The following ECSCR variants were observed in gnomAD, a reference collection of about 807,000 sequenced individuals.
ECSCR encodes the protein endothelial cell-specific chemotaxis regulator.
A neutral mutation model predicts 16.7 loss-of-function variants in ECSCR; 12 were observed. The ratio of observed to expected loss-of-function variants is 0.72; its 90% CI spans 0.46 to 1.17. ECSCR has a LOEUF of 1.17. Among genes scored for constraint, ECSCR ranks in the 50% most tolerant of loss-of-function variants. The probability of loss-of-function intolerance (pLI) is 0.00; values close to 1 mark genes in which losing one functional copy is unlikely to be tolerated. For missense variants in ECSCR, 122 were observed against 116.1 expected (o/e 1.05, Z -0.23); for synonymous variants, 44 against 42.2 (o/e 1.04, Z -0.17).
chr5:139,449,146 T>C lies in ECSCR; in HGVS notation c.541A>G (p.Ser181Gly), dbSNP rs777130666. The C allele has an allele frequency of 1.9e-5, 29 of 1,537,204 alleles. No individual in the cohort carries two copies. The highest frequency in any genetic ancestry group is 2.3e-5 in the Non-Finnish European group (26 of 1,146,900). The change falls in exon 9 of 10, where the codon AGC (serine) becomes GGC (glycine). Residue 181 changes from serine to glycine, a missense_variant. Coordinates refer to ENST00000618155, the MANE Select transcript of ECSCR (RefSeq NM_001077693.4). ...SCSTANGEKD[S>G]ITLISMKNIN... ...TTCTTCATGGAGATAAGGGTGATGCTGTCTTTCTCTCCATTGGCTGTGGAG... is the reference window on the plus strand; with the variant it reads ...TTCTTCATGGAGATAAGGGTGATGCCGTCTTTCTCTCCATTGGCTGTGGAG...
chr5:139,449,503 A>G (rs1455003462), intron 8 of ECSCR, among the ~76,000 whole-genome samples: 1 of 151,936 alleles, frequency 6.6e-6, no homozygotes, highest in African/African-American at 2.4e-5. Context: ...ATGCCCGGCT[A>G]ATTTTTGTAT....
At position 139,454,907 on chromosome 5, in the gene ECSCR, A is replaced by C; in HGVS notation, c.393T>G (p.Ile131Met). The change falls in exon 7 of 10, where the codon ATT becomes ATG. Residue 131 changes from isoleucine (I) to methionine (M), a missense_variant. By Grantham distance (10) the Ile-to-Met change is conservative. Coordinates refer to ENST00000618155, the MANE Select transcript of ECSCR (RefSeq NM_001077693.4). ...TVAAFGVISF[I>M]VILVVVVIIL... ...TGATCACCACAACCACCAGGATGACAATGAAGCTGATAACACCTGAACAGA... is the reference window on the plus strand; with the variant it reads ...TGATCACCACAACCACCAGGATGACCATGAAGCTGATAACACCTGAACAGA... 1 of 398,758 alleles carries C rather than the reference A, an allele frequency of 2.5e-6. No homozygotes were observed. 24.7% of individuals were successfully genotyped at this position (398,758 alleles called of 1,614,324 possible). A position where few individuals can be genotyped will look rare whatever the true frequency, so the allele number is the denominator to read the frequency against.
chr5:139,449,167 T>C lies in ECSCR; in HGVS notation c.520A>G (p.Thr174Ala). 1 of 1,536,970 alleles carries C rather than the reference T, an allele frequency of 6.5e-7. No individual in the cohort carries two copies. The highest frequency in any genetic ancestry group is 8.7e-7 in the Non-Finnish European group (1 of 1,146,794). The change falls in exon 9 of 10, where the codon ACA becomes GCA. Residue 174 changes from threonine to alanine, a missense_variant. Coordinates refer to ENST00000618155, the MANE Select transcript of ECSCR (RefSeq NM_001077693.4). Reference protein sequence around the residue: ...GSSGLSESCSTANGEKDSITL... With the variant: ...GSSGLSESCSAANGEKDSITL... ...ATGCTGTCTTTCTCTCCATTGGCTG[T>C]GGAGCAGCTGGGGGAGGAAGGGGGT...
intron 1 of ECSCR, 43 bp from the exon 2 acceptor site, chr5:139,458,226 C>G: frequency 6.5e-7 from 1 of 1,539,598 alleles, no homozygotes; most frequent in East Asian, 2.4e-5. Context: ...AGTCCCCTGC[C>G]CAGCACAGAG....
At chr5:139,455,120 C>T (rs1751127912) in intron 6 of ECSCR, among the ~76,000 whole-genome samples, 197 bp from the exon 7 acceptor site, 1 of 152,172 alleles carries the variant, frequency 6.6e-6, no homozygotes, top group Non-Finnish European at 1.5e-5. Context: ...CCGACTCCAT[C>T]CCTGCATGAG....
Position 139,460,251 on chromosome 5 carries a change from T to C in ECSCR, c.62-2068A>G, listed in dbSNP as rs757083769. Among the ~76,000 whole-genome samples, 197 of 152,174 alleles carry C rather than the reference T, an allele frequency of 1.3e-3. 6 individuals are homozygous for C. The highest frequency in any genetic ancestry group is 1.6e-3 in the Admixed American group (25 of 15,278). Reference sequence around the variant, plus strand: ...CCCGGGCTCAAGCTATTCTCCTGTCTCAGCCTCCTGAGTAGCTGGGATTAC... The same window carrying C: ...CCCGGGCTCAAGCTATTCTCCTGTCCCAGCCTCCTGAGTAGCTGGGATTAC... On this transcript the variant is annotated intron_variant, in intron 1 of 9. Transcript: ENST00000618155.
intron 1 of ECSCR, among the ~76,000 whole-genome samples, chr5:139,461,393 C>T (rs987962733): frequency 6.6e-6 from 1 of 152,106 alleles, no homozygotes; most frequent in African/African-American, 2.4e-5. Flanking sequence ...CTCAGTCCAC[C>T]AAGATGAAGG....
At chr5:139,454,222 AGT>A (rs1195309100) in intron 8 of ECSCR, among the ~76,000 whole-genome samples, 1 of 73,174 alleles carries the variant, frequency 1.4e-5, no homozygotes, top group South Asian at 5.3e-4. Context: ...GGTGTGTGGG[AGT>A]GTGTGTGTGG....
At chr5:139,456,631 G>A in intron 4 of ECSCR, 113 bp from the exon 5 acceptor site, 1 of 395,262 alleles carries the variant, frequency 2.5e-6, no homozygotes, top group Non-Finnish European at 4.5e-6. Context: ...CTCTTTCTCA[G>A]CCTTTTCTGC....
At chr5:139,449,224 T>TG in intron 8 of ECSCR, 50 bp from the exon 9 acceptor site, 1 of 1,363,864 alleles carries the variant, frequency 7.3e-7, no homozygotes, top group South Asian at 1.2e-5. Flanking sequence ...GGCAGGGCAA[T>TG]GGGGAGTCAA....
At chr5:139,451,512 T>TGTGTATAGTATGAA (rs1182549049) in intron 8 of ECSCR, among the ~76,000 whole-genome samples, 1 of 143,698 alleles carries the variant, frequency 7.0e-6, no homozygotes, top group Non-Finnish European at 1.5e-5. Context: ...GTGGTGTGAG[T>TGTGTATAGTATGAA]GTGTATAGTA....
At chr5:139,451,887 G>T (rs1445327882) in intron 8 of ECSCR, among the ~76,000 whole-genome samples, 7 of 151,132 alleles carry the variant, frequency 4.6e-5, no homozygotes, top group Non-Finnish European at 1.5e-5. Context: ...TAGGGTGTGG[G>T]GTGTGTGTGT....
At chr5:139,460,539 A>C (rs530749125) in intron 1 of ECSCR, among the ~76,000 whole-genome samples, 77 of 152,336 alleles carry the variant, frequency 5.1e-4, no homozygotes, top group Middle Eastern at 3.4e-3. Flanking sequence ...AAAGAAAATT[A>C]TTCAGTGGCT....
chr5:139,458,218 TCC>T, intron 1 of ECSCR, 35 bp from the exon 2 acceptor site: 1 of 1,545,052 alleles, frequency 6.5e-7, no homozygotes, highest in Middle Eastern at 2.3e-4. Context: ...GCTTGGTAAG[TCC>T]CCTGCCCAGC....
chr5:139,462,203 T>C (rs905303694), intron 1 of ECSCR, among the ~76,000 whole-genome samples: 2 of 152,194 alleles, frequency 1.3e-5, no homozygotes, highest in African/African-American at 4.8e-5. Flanking sequence ...GTGAAGCCCA[T>C]GGTGCAGAGG....
intron 4 of ECSCR, among the ~76,000 whole-genome samples, chr5:139,457,183 G>A (rs1050147384): frequency 6.6e-6 from 1 of 152,096 alleles, no homozygotes. Context: ...TCACCTCTGG[G>A]CAGTTCCCTC....
intron 4 of ECSCR, among the ~76,000 whole-genome samples, chr5:139,457,094 T>C (rs1751174191): frequency 6.6e-6 from 1 of 152,240 alleles, no homozygotes; most frequent in African/African-American, 2.4e-5. Context: ...TTGGCCGGCA[T>C]GTGCACCGGG....
intron 8 of ECSCR, among the ~76,000 whole-genome samples, chr5:139,450,911 T>C (rs1390339438): frequency 2.0e-5 from 3 of 152,204 alleles, no homozygotes; most frequent in Admixed American, 1.3e-4. Flanking sequence ...ATAATGTCTT[T>C]TTATATTAGA....
At chr5:139,452,204 ATGTGTGG>A (rs1751069560) in intron 8 of ECSCR, among the ~76,000 whole-genome samples, 2 of 74,774 alleles carry the variant, frequency 2.7e-5, no homozygotes, top group African/African-American at 5.4e-5. Flanking sequence ...GGGGTGTGGG[ATGTGTGG>A]TGTGTGGTGT....
Sources: allele counts gnomAD v4.1 joint callset (sites outside exome capture counted in the v4.1 genomes callset), GRCh38; gene constraint gnomAD v4.1.1; transcripts MANE v1.5; gene names NCBI Gene and HGNC (gene_info 2026-07-23, HGNC 2026-07-21).